The following ZNF84 variants were observed in gnomAD, a reference collection of about 807,000 sequenced individuals.
The protein encoded by ZNF84 is zinc finger protein 84, also known as zinc finger protein HPF2.
ZNF84 carries 12 observed loss-of-function variants against 14.8 expected under a neutral mutation model. That is an observed-to-expected ratio of 0.81 (90% CI 0.52 to 1.31). The LOEUF (loss-of-function observed/expected upper bound fraction) is 1.31. Ranked by LOEUF, ZNF84 falls within the 50% of genes most tolerant of loss-of-function variation. The pLI is 0.00. For missense variants in ZNF84, 859 were observed against 878.6 expected (o/e 0.98, Z 0.28); for synonymous variants, 347 against 291.1 (o/e 1.19, Z -1.96).
intron 2 of ZNF84, among the ~76,000 whole-genome samples, chr12:133,046,379 T>C (rs1468418144): frequency 8.1e-6 from 1 of 123,004 alleles, no homozygotes; most frequent in Admixed American, 8.4e-5. Context: ...TTTTTTTTTT[T>C]TTTTAAATCA....
chr12:133,044,787 G>A (rs1057432177), intron 2 of ZNF84, among the ~76,000 whole-genome samples: 19 of 151,980 alleles, frequency 1.3e-4, no homozygotes, highest in Middle Eastern at 3.4e-3. Context: ...GGTGGCAGGC[G>A]CCTGTTATCC....
chr12:133,062,828 C>T lies in ZNF84; in HGVS notation c.*3896C>T. 2.2e-6 allele frequency: 1 copy of T among 451,290 alleles called. No individual in the cohort carries two copies. The highest frequency in any genetic ancestry group is 4.0e-6 in the Non-Finnish European group (1 of 252,566). The allele number at this position is 451,290 out of a possible 1,614,324, so 28.0% of individuals were successfully genotyped here. On this transcript the variant is annotated 3_prime_UTR_variant, in exon 5 of 5. Transcript: ENST00000539354. ...TTTCCTCCTATGCAATATTTTCTGG[C>T]CTCTGTGAACAACTTGTAGTTCCTT...
chr12:133,053,768 A>T (rs1593709478), intron 4 of ZNF84, among the ~76,000 whole-genome samples: 1 of 152,212 alleles, frequency 6.6e-6, no homozygotes, highest in East Asian at 1.9e-4. Context: ...TATGTTTATA[A>T]TGGGGTCTTG....
chr12:133,038,473 A>AGT (rs1263603776), intron 1 of ZNF84, among the ~76,000 whole-genome samples: 1 of 151,868 alleles, frequency 6.6e-6, no homozygotes, highest in African/African-American at 2.4e-5. Flanking sequence ...AGGTAGGAGG[A>AGT]TCACTTGAGC....
chr12:133,052,040 A>G (rs1197850398), intron 4 of ZNF84, among the ~76,000 whole-genome samples: 1 of 152,226 alleles, frequency 6.6e-6, no homozygotes, highest in Non-Finnish European at 1.5e-5. Context: ...ACAGGGTAGT[A>G]AGTAAGCAGG....
intron 1 of ZNF84, among the ~76,000 whole-genome samples, chr12:133,038,511 T>C (rs1953829065): frequency 6.6e-6 from 1 of 151,178 alleles, no homozygotes; most frequent in Non-Finnish European, 1.5e-5. Context: ...CAGTGAGCTA[T>C]GGTTATGCCA....
rs1954254464 is a variant in ZNF84, at chr12:133,061,024, G to T, written c.*2092G>T. 6.6e-6 allele frequency: 1 copy of T among 152,072 alleles called. No individual in the cohort carries two copies. Among genetic ancestry groups the T allele is most frequent in the Non-Finnish European group, 1.5e-5 (1 of 68,012 alleles). The allele number at this position is 152,072 out of a possible 1,614,324, so 9.4% of individuals were successfully genotyped here. A position where few individuals can be genotyped will look rare whatever the true frequency, so the allele number is the denominator to read the frequency against. On this transcript the variant is annotated 3_prime_UTR_variant, in exon 5 of 5. Coordinates refer to ENST00000539354, the MANE Select transcript of ZNF84 (RefSeq NM_001289971.2). ...AACAATATTTTCTCCTTTAATTATT[G>T]ATTTTGCAACATTTTGGGAAAGTTG... is the stretch of plus-strand genomic sequence containing the variant.
chr12:133,040,693 C>T (rs1953871824), intron 1 of ZNF84: 4 of 151,884 alleles, frequency 2.6e-5, no homozygotes, highest in African/African-American at 9.7e-5. Flanking sequence ...TTTAAAACCC[C>T]TATTTAACCT....
chr12:133,057,985 A>G lies in ZNF84; in HGVS notation c.1270A>G (p.Thr424Ala). 1 of 1,613,882 alleles carries G rather than the reference A, an allele frequency of 6.2e-7. No individual in the cohort carries two copies. Among genetic ancestry groups the G allele is most frequent in the Non-Finnish European group, 8.5e-7 (1 of 1,179,978 alleles). ...ERSSLINHQR[T>A]HTGEKPHGCI... ...GTCGAGTCTCATTAATCATCAGAGA[A>G]CACATACAGGAGAGAAACCTCATGG... The change falls in exon 5 of 5, where the codon ACA (threonine) becomes GCA (alanine). Residue 424 changes from threonine (T) to alanine (A), a missense_variant. Coordinates refer to ENST00000539354, the MANE Select transcript of ZNF84 (RefSeq NM_001289971.2).
intron 4 of ZNF84, among the ~76,000 whole-genome samples, 194 bp from the exon 5 acceptor site, chr12:133,056,756 CCAGT>C (rs1284258126): frequency 1.3e-5 from 2 of 152,176 alleles, no homozygotes; most frequent in East Asian, 3.8e-4. Flanking sequence ...GACTTAATCT[CCAGT>C]CAGTTTCCTG....
chr12:133,048,968 C>CGGGTGGGCTGGTCATTGAT, intron 4 of ZNF84, 120 bp downstream of exon 4: 1 of 704,882 alleles, frequency 1.4e-6, no homozygotes, highest in Non-Finnish European at 2.4e-6. Context: ...TGGTCAGTGA[C>CGGGTGGGCTGGTCATTGAT]GGGTGGGCTG....
chr12:133,043,447 G>A (rs971961004), intron 2 of ZNF84, among the ~76,000 whole-genome samples: 3 of 152,202 alleles, frequency 2.0e-5, no homozygotes, highest in African/African-American at 7.2e-5. Context: ...CCACTTACAG[G>A]TGTGAGCCAC....
chr12:133,057,835 C>T lies in ZNF84; in HGVS notation c.1120C>T (p.Pro374Ser). Residue 374 changes from proline to serine, a missense_variant, in exon 5 of 5, where the codon CCC becomes TCC. Transcript: ENST00000539354. ...TCACAGAACTCACACAGGAACAAAA[C>T]CCTTTGGATGTAGTGATTGTAGAAA... Reference protein sequence around the residue: ...THHRTHTGTKPFGCSDCRKAF... With the variant: ...THHRTHTGTKSFGCSDCRKAF... 1 of 1,613,410 alleles carries T rather than the reference C, an allele frequency of 6.2e-7. No individual in the cohort carries two copies. The highest frequency in any genetic ancestry group is 8.5e-7 in the Non-Finnish European group (1 of 1,179,576).
intron 2 of ZNF84, among the ~76,000 whole-genome samples, chr12:133,042,117 A>G (rs1953898420): frequency 6.6e-6 from 1 of 152,182 alleles, no homozygotes; most frequent in East Asian, 1.9e-4. Flanking sequence ...CTTACCTGTC[A>G]GTCACTTAGT....
In ZNF84 at chr12:133,048,865, C is replaced by T; in HGVS notation, c.238+17C>T. 1 of 1,599,974 alleles carries T rather than the reference C, an allele frequency of 6.3e-7. No individual in the cohort carries two copies. Among genetic ancestry groups the T allele is most frequent in the Non-Finnish European group, 8.6e-7 (1 of 1,168,562 alleles). On this transcript the variant is annotated intron_variant, in intron 4 of 4. Coordinates refer to ENST00000539354, the MANE Select transcript of ZNF84 (RefSeq NM_001289971.2). ...ATTCTCCAGGTGAGTGTATGAGAACCAGGCAGATGGGAGAGAGCAGAAGCC... is the reference window on the plus strand; with the variant it reads ...ATTCTCCAGGTGAGTGTATGAGAACTAGGCAGATGGGAGAGAGCAGAAGCC...
chr12:133,054,025 G>A (rs1423383439), intron 4 of ZNF84, among the ~76,000 whole-genome samples: 1 of 152,030 alleles, frequency 6.6e-6, no homozygotes, highest in African/African-American at 2.4e-5. Context: ...CTTACCTCTA[G>A]GTACAACCTC....
At chr12:133,038,741 T>A (rs1242750830) in intron 1 of ZNF84, 2 of 152,230 alleles carry the variant, frequency 1.3e-5, no homozygotes, top group Non-Finnish European at 2.9e-5. Context: ...TTAATTCTAT[T>A]TTTATAGTTC....
At position 133,062,920 on chromosome 12, in the gene ZNF84, C is replaced by G; in HGVS notation, c.*3988C>G. Reference sequence around the variant, plus strand: ...GAAATGCCCTTGTTCCTTGTTAATGCCTATTGAATCTATATGAACCTGTAC... The same window carrying G: ...GAAATGCCCTTGTTCCTTGTTAATGGCTATTGAATCTATATGAACCTGTAC... On this transcript the variant is annotated 3_prime_UTR_variant, in exon 5 of 5. Coordinates refer to ENST00000539354, the MANE Select transcript of ZNF84 (RefSeq NM_001289971.2). The G allele has an allele frequency of 1.8e-6, 1 of 560,498 alleles. No individual in the cohort carries two copies. The highest frequency in any genetic ancestry group is 2.8e-5 in the East Asian group (1 of 36,096). The allele number at this position is 560,498 out of a possible 1,614,324, so 34.7% of individuals were successfully genotyped here. A position where few individuals can be genotyped will look rare whatever the true frequency, so the allele number is the denominator to read the frequency against.
At chr12:133,041,842 T>C (rs1052474430) in intron 2 of ZNF84, among the ~76,000 whole-genome samples, 11 of 152,208 alleles carry the variant, frequency 7.2e-5, no homozygotes, top group African/African-American at 2.4e-4. Context: ...TATTTCTTGG[T>C]TATCGGGTGT....
Sources: allele counts gnomAD v4.1 joint callset (sites outside exome capture counted in the v4.1 genomes callset), GRCh38; gene constraint gnomAD v4.1.1; transcripts MANE v1.5; gene names NCBI Gene and HGNC (gene_info 2026-07-23, HGNC 2026-07-21).